Variants in CSMD3 observed in about 807,000 individuals in gnomAD.
CSMD3 encodes CUB and Sushi multiple domains 3, also known as CUB and sushi domain-containing protein 3.
CSMD3 carries 177 observed loss-of-function variants against 435.2 expected under a neutral mutation model. The ratio of observed to expected loss-of-function variants is 0.41; its 90% CI spans 0.36 to 0.46. The LOEUF is 0.46. Ranked by LOEUF, CSMD3 falls within the 20% of genes least tolerant of loss-of-function variation. The pLI is 0.34. For missense variants in CSMD3, 4,265 were observed against 4,504.6 expected (o/e 0.95, Z 1.52); for synonymous variants, 1,656 against 1,520.5 (o/e 1.09, Z -2.07).
At chr8:113,107,084 C>T (rs181744772) in intron 4 of CSMD3, among the ~76,000 whole-genome samples, 50 of 152,306 alleles carry the variant, frequency 3.3e-4, no homozygotes, top group African/African-American at 1.1e-3. Context: ...ACCACAGGCT[C>T]TATAGATTTG....
intron 53 of CSMD3, among the ~76,000 whole-genome samples, chr8:112,297,526 C>A (rs561086310): frequency 6.6e-6 from 1 of 151,908 alleles, no homozygotes; most frequent in Admixed American, 6.6e-5. Context: ...AAATGCAGTG[C>A]CTATTCACGA....
chr8:112,985,592 G>A (rs1296581189), intron 6 of CSMD3, among the ~76,000 whole-genome samples: 3 of 152,008 alleles, frequency 2.0e-5, no homozygotes, highest in Non-Finnish European at 2.9e-5. Flanking sequence ...TTAGGAACTG[G>A]GCCACACAGC....
chr8:112,792,588 A>G (rs940790530), intron 13 of CSMD3, among the ~76,000 whole-genome samples: 4 of 152,198 alleles, frequency 2.6e-5, no homozygotes, highest in African/African-American at 9.6e-5. Flanking sequence ...AACAGATAGC[A>G]TGCTTTTGGT....
chr8:113,269,108 T>C (rs917465341), intron 3 of CSMD3, among the ~76,000 whole-genome samples: 3 of 152,154 alleles, frequency 2.0e-5, no homozygotes, highest in Admixed American at 6.6e-5. Flanking sequence ...TTTAATTCTT[T>C]TGAGTAGCTT....
At chr8:112,929,739 T>C (rs187222748) in intron 9 of CSMD3, among the ~76,000 whole-genome samples, 23 of 152,026 alleles carry the variant, frequency 1.5e-4, no homozygotes, top group Admixed American at 3.3e-4. Context: ...TAAAATAAAG[T>C]GCTTTTGAAG....
chr8:113,092,864 T>C (rs2090049441), intron 5 of CSMD3, among the ~76,000 whole-genome samples: 1 of 152,178 alleles, frequency 6.6e-6, no homozygotes, highest in Admixed American at 6.5e-5. Context: ...CACAAACAAC[T>C]TGTGTCTTGT....
At chr8:113,335,180 C>T (rs2094062364) in intron 1 of CSMD3, among the ~76,000 whole-genome samples, 1 of 152,130 alleles carries the variant, frequency 6.6e-6, no homozygotes, top group Non-Finnish European at 1.5e-5. Flanking sequence ...CCATTACCTT[C>T]CACCATGATT....
chr8:113,163,323 T>A (rs1189248915), intron 4 of CSMD3, among the ~76,000 whole-genome samples: 1 of 151,846 alleles, frequency 6.6e-6, no homozygotes, highest in Non-Finnish European at 1.5e-5. Context: ...GAAAAAAAAA[T>A]TTGATGGAAG....
chr8:113,041,903 AT>A (rs1258101242), intron 5 of CSMD3, among the ~76,000 whole-genome samples: 3 of 152,062 alleles, frequency 2.0e-5, no homozygotes, highest in African/African-American at 7.2e-5. Flanking sequence ...ATATTGATTG[AT>A]TTTTTCCTAT....
intron 38 of CSMD3, among the ~76,000 whole-genome samples, chr8:112,378,740 G>A (rs1437848963): frequency 2.6e-5 from 4 of 152,074 alleles, no homozygotes; most frequent in African/African-American, 9.7e-5. Context: ...TGTTTGATAA[G>A]CAGGGTGACT....
intron 22 of CSMD3, among the ~76,000 whole-genome samples, chr8:112,601,046 A>G (rs1396535214): frequency 6.6e-6 from 1 of 152,164 alleles, no homozygotes; most frequent in Non-Finnish European, 1.5e-5. Flanking sequence ...GGAGGTAGGA[A>G]TACTAAGAAA....
At chr8:112,645,893 T>C (rs1451322271) in intron 19 of CSMD3, among the ~76,000 whole-genome samples, 1 of 152,178 alleles carries the variant, frequency 6.6e-6, no homozygotes, top group Non-Finnish European at 1.5e-5. Context: ...CTATCAAAAT[T>C]GAAAGCTGGA....
At chr8:112,806,593 C>T (rs2079093101) in intron 12 of CSMD3, among the ~76,000 whole-genome samples, 1 of 152,136 alleles carries the variant, frequency 6.6e-6, no homozygotes, top group Non-Finnish European at 1.5e-5. Flanking sequence ...TATCCTAAAT[C>T]ATGTTACTCT....
At chr8:112,692,285 T>G (rs1348749261) in intron 13 of CSMD3, among the ~76,000 whole-genome samples, 1 of 152,148 alleles carries the variant, frequency 6.6e-6, no homozygotes, top group Admixed American at 6.6e-5. Context: ...AATTTAGCTC[T>G]AAATTGATAT....
chr8:112,232,706 A>G (rs560019193), intron 68 of CSMD3, among the ~76,000 whole-genome samples: 18 of 152,352 alleles, frequency 1.2e-4, no homozygotes, highest in Admixed American at 8.5e-4. Flanking sequence ...AAATGGGTGA[A>G]TTGTAGGATA....
intron 22 of CSMD3, among the ~76,000 whole-genome samples, chr8:112,636,505 ATCTT>A (rs1438539352): frequency 5.9e-5 from 9 of 151,920 alleles, no homozygotes; most frequent in African/African-American, 2.2e-4. Context: ...TATATCATCT[ATCTT>A]TCTCCATATA....
At chr8:112,269,587 A>G (rs1817272068) in intron 59 of CSMD3, among the ~76,000 whole-genome samples, 1 of 152,204 alleles carries the variant, frequency 6.6e-6, no homozygotes, top group Admixed American at 6.6e-5. Flanking sequence ...CACTCTGTGT[A>G]TGATGGGCTC....
intron 3 of CSMD3, among the ~76,000 whole-genome samples, chr8:113,231,235 G>T (rs2093082838): frequency 6.6e-6 from 1 of 151,030 alleles, no homozygotes; most frequent in South Asian, 2.1e-4. Context: ...GTCAGTTTGT[G>T]TTTTTGTTAT....
intron 35 of CSMD3, among the ~76,000 whole-genome samples, chr8:112,406,029 AT>A (rs1831828680): frequency 6.6e-6 from 1 of 152,146 alleles, no homozygotes. Context: ...CTTAAAGAGT[AT>A]AATTGGATTG....
Sources: allele counts gnomAD v4.1 joint callset (sites outside exome capture counted in the v4.1 genomes callset), GRCh38; gene constraint gnomAD v4.1.1; transcripts MANE v1.5; gene names NCBI Gene and HGNC (gene_info 2026-07-23, HGNC 2026-07-21).